JAZF1: variants seen among roughly 807,000 people sequenced by gnomAD.
The protein encoded by JAZF1 is juxtaposed with another zinc finger protein 1.
A neutral mutation model predicts 26.4 loss-of-function variants in JAZF1; 8 were observed. The ratio of observed to expected loss-of-function variants is 0.30; its 90% confidence interval spans 0.18 to 0.55. The LOEUF (loss-of-function observed/expected upper bound fraction) is 0.55, where lower values mean the gene tolerates loss of function less well. Ranked by LOEUF, JAZF1 falls within the 20% of genes least tolerant of loss-of-function variation. JAZF1 has a pLI of 0.94. For synonymous variants in JAZF1, 126 were observed against 122.3 expected (o/e 1.03, Z -0.20); for missense variants, 199 against 322.0 (o/e 0.62, Z 2.92).
intron 1 of JAZF1, among the ~76,000 whole-genome samples, chr7:28,114,855 G>A (rs1414521940): frequency 6.6e-6 from 1 of 151,828 alleles, no homozygotes; most frequent in African/African-American, 2.4e-5. Context: ...GCTTATAGAT[G>A]AGTAGGAATT....
At chr7:28,020,264 G>T (rs1782980931) in intron 1 of JAZF1, among the ~76,000 whole-genome samples, 1 of 152,100 alleles carries the variant, frequency 6.6e-6, no homozygotes, top group Non-Finnish European at 1.5e-5. Flanking sequence ...ACCAAAATGG[G>T]GGAATTCCTA....
intron 2 of JAZF1, among the ~76,000 whole-genome samples, chr7:27,971,769 G>A (rs923631060): frequency 1.3e-5 from 2 of 152,166 alleles, no homozygotes; most frequent in African/African-American, 4.8e-5. Flanking sequence ...GTGTATGGTG[G>A]GGGTGGAAGG....
chr7:27,991,332 A>G (rs1360879052), intron 2 of JAZF1, among the ~76,000 whole-genome samples: 2 of 152,096 alleles, frequency 1.3e-5, no homozygotes, highest in African/African-American at 4.8e-5. Flanking sequence ...TAATTATTTG[A>G]GTTGGCTGAA....
chr7:28,041,138 C>T (rs775996477), intron 1 of JAZF1, among the ~76,000 whole-genome samples: 7 of 152,132 alleles, frequency 4.6e-5, no homozygotes, highest in Admixed American at 2.0e-4. Context: ...ATTTGGAGAA[C>T]GTAAGAGCAA....
At chr7:28,013,434 T>A (rs999385864) in intron 1 of JAZF1, among the ~76,000 whole-genome samples, 5 of 152,026 alleles carry the variant, frequency 3.3e-5, no homozygotes, top group Non-Finnish European at 5.9e-5. Context: ...CAGAATCACC[T>A]GGAGGCCTGT....
At chr7:28,017,590 G>C (rs1266892058) in intron 1 of JAZF1, among the ~76,000 whole-genome samples, 1 of 152,176 alleles carries the variant, frequency 6.6e-6, no homozygotes, top group Non-Finnish European at 1.5e-5. Context: ...TAATCCATGT[G>C]GAACTGCAGG....
At chr7:28,150,186 G>A (rs558370765) in intron 1 of JAZF1, among the ~76,000 whole-genome samples, 3 of 152,266 alleles carry the variant, frequency 2.0e-5, no homozygotes, top group African/African-American at 7.2e-5. Flanking sequence ...CGGGGGGCAG[G>A]GTACTGCTTC....
intron 4 of JAZF1, among the ~76,000 whole-genome samples, chr7:27,837,086 A>T (rs1782828307): frequency 6.6e-6 from 1 of 152,186 alleles, no homozygotes; most frequent in Non-Finnish European, 1.5e-5. Context: ...TGCTGAAACA[A>T]TCAATGTACC....
chr7:27,962,039 T>C (rs954837600), intron 2 of JAZF1, among the ~76,000 whole-genome samples: 1 of 152,238 alleles, frequency 6.6e-6, no homozygotes, highest in African/African-American at 2.4e-5. Flanking sequence ...ATCTCAGCCA[T>C]AATAATAGAT....
At chr7:28,114,035 A>G (rs960792843) in intron 1 of JAZF1, among the ~76,000 whole-genome samples, 1 of 152,218 alleles carries the variant, frequency 6.6e-6, no homozygotes, top group Admixed American at 6.5e-5. Context: ...TAGTTTGGGT[A>G]TTGTTTATTA....
chr7:28,091,195 A>G (rs1400312998), intron 1 of JAZF1, among the ~76,000 whole-genome samples: 4 of 152,114 alleles, frequency 2.6e-5, no homozygotes, highest in African/African-American at 7.2e-5. Flanking sequence ...ATCAGGGGAA[A>G]TAATGTTATT....
rs182901917 is a variant in JAZF1 at position 27,967,996 on chromosome 7, G to A, written c.188+23913C>T. On this transcript the variant is annotated intron_variant, in intron 2 of 4. Coordinates refer to ENST00000283928, the MANE Select transcript of JAZF1 (RefSeq NM_175061.4). ...ATAATATATTAGAAATGAGTGCTAC[G>A]TGCACAAAAAGACTGGGAAAAGAAT... Among the ~76,000 whole-genome samples the A allele has an allele frequency of 1.2e-4, 18 of 152,298 alleles. No individual in the cohort carries two copies. In the East Asian group the frequency reaches 1.7e-3, roughly 15 times the overall value.
intron 1 of JAZF1, among the ~76,000 whole-genome samples, chr7:28,140,793 G>A (rs939726182): frequency 2.0e-5 from 3 of 152,154 alleles, no homozygotes; most frequent in Admixed American, 6.5e-5. Flanking sequence ...GTTATGGTAA[G>A]AGAAATAAAA....
chr7:27,866,278 G>A (rs1020479048), intron 3 of JAZF1, among the ~76,000 whole-genome samples: 2 of 152,234 alleles, frequency 1.3e-5, no homozygotes, highest in South Asian at 2.1e-4. Flanking sequence ...AGATTGCAAT[G>A]TGCAAAGGTG....
chr7:27,857,531 G>A lies in JAZF1; in HGVS notation c.386-16664C>T, dbSNP rs181676243. Among the ~76,000 whole-genome samples, 1,106 of 152,366 alleles carry A rather than the reference G, an allele frequency of 7.3e-3. 9 individuals carry two copies. Among genetic ancestry groups the A allele is most frequent in the Non-Finnish European group, 0.011 (751 of 68,036 alleles). On this transcript the variant is annotated intron_variant, in intron 3 of 4. Coordinates refer to ENST00000283928, the MANE Select transcript of JAZF1 (RefSeq NM_175061.4). ...CCAAGGCTGAGGAGGCGCCGAGAGC[G>A]AGCTAGGGCTGCGAGGGCTGCCAGC...
chr7:28,010,163 G>A (rs1300798970), intron 1 of JAZF1, among the ~76,000 whole-genome samples: 2 of 152,144 alleles, frequency 1.3e-5, no homozygotes, highest in Non-Finnish European at 2.9e-5. Context: ...CCTGTGCCAA[G>A]CACTGTTTTA....
intron 1 of JAZF1, among the ~76,000 whole-genome samples, chr7:28,151,688 G>A (rs974795345): frequency 6.6e-6 from 1 of 151,780 alleles, no homozygotes; most frequent in African/African-American, 2.4e-5. Flanking sequence ...TGTAATCCCA[G>A]CTACTTGGGA....
At chr7:27,954,039 C>G (rs1053486241) in intron 2 of JAZF1, among the ~76,000 whole-genome samples, 5 of 152,196 alleles carry the variant, frequency 3.3e-5, no homozygotes, top group African/African-American at 1.2e-4. Flanking sequence ...GCGGTGAGCT[C>G]ATTAATCCCT....
At chr7:27,933,277 T>C (rs1206155387) in intron 2 of JAZF1, among the ~76,000 whole-genome samples, 1 of 152,166 alleles carries the variant, frequency 6.6e-6, no homozygotes, top group Non-Finnish European at 1.5e-5. Flanking sequence ...AATTCAAAAA[T>C]AGCAAACAAT....
Sources: gnomAD v4.1 joint callset for allele counts (sites outside exome capture counted in the v4.1 genomes callset) on GRCh38, gnomAD v4.1.1 for gene constraint, MANE v1.5 for transcripts, NCBI Gene and HGNC (gene_info 2026-07-23, HGNC 2026-07-21) for gene names.